WDR70: variants seen among roughly 807,000 people sequenced by gnomAD.
WDR70 encodes WD repeat-containing protein 70.
In WDR70, 53 loss-of-function variants were observed where a neutral mutation model predicts 88.6. The observed-to-expected ratio is 0.60, with a 90% CI of 0.48 to 0.75. The LOEUF is 0.75. Among genes scored for constraint, WDR70 ranks in the 30% least tolerant of loss-of-function variants. The pLI, the probability that WDR70 is intolerant of heterozygous loss-of-function variation, is 0.00. For missense variants in WDR70, 610 were observed against 823.2 expected (o/e 0.74, Z 3.17); for synonymous variants, 280 against 270.0 (o/e 1.04, Z -0.36).
chr5:37,476,852 T>A (rs1351879432), intron 7 of WDR70, among the ~76,000 whole-genome samples: 1 of 152,232 alleles, frequency 6.6e-6, no homozygotes, highest in African/African-American at 2.4e-5. Context: ...CTTCTTTTTT[T>A]AAGAGATTGG....
chr5:37,645,744 G>A (rs923087295), intron 10 of WDR70, among the ~76,000 whole-genome samples: 2 of 152,012 alleles, frequency 1.3e-5, no homozygotes, highest in African/African-American at 4.8e-5. Context: ...GTCTCTTACA[G>A]TTTTTTGTCA....
chr5:37,735,652 C>A (rs1405722494), intron 17 of WDR70, among the ~76,000 whole-genome samples: 1 of 152,154 alleles, frequency 6.6e-6, no homozygotes, highest in Non-Finnish European at 1.5e-5. Context: ...AGTGCTATTT[C>A]TCCTGTGTTC....
intron 5 of WDR70, among the ~76,000 whole-genome samples, chr5:37,402,287 T>C (rs1473695838): frequency 7.9e-6 from 1 of 125,902 alleles, no homozygotes; most frequent in Non-Finnish European, 1.7e-5. Context: ...TTTAGCCAGA[T>C]AGTATTTGTG....
chr5:37,471,604 C>A (rs900949800), intron 7 of WDR70, among the ~76,000 whole-genome samples: 5 of 151,468 alleles, frequency 3.3e-5, no homozygotes, highest in Non-Finnish European at 7.4e-5. Context: ...ATAGAAGTTA[C>A]TAATTTTGAT....
At chr5:37,714,484 T>A (rs1007168094) in intron 13 of WDR70, among the ~76,000 whole-genome samples, 1 of 151,728 alleles carries the variant, frequency 6.6e-6, no homozygotes, top group African/African-American at 2.4e-5. Context: ...AATGATAATA[T>A]GTCATATAAA....
chr5:37,663,986 A>G (rs1331507520), intron 10 of WDR70, among the ~76,000 whole-genome samples: 1 of 152,102 alleles, frequency 6.6e-6, no homozygotes, highest in Non-Finnish European at 1.5e-5. Flanking sequence ...TTTTATTGCC[A>G]GGTTTCTACC....
chr5:37,637,851 C>G (rs909636405), intron 10 of WDR70, among the ~76,000 whole-genome samples: 2 of 152,324 alleles, frequency 1.3e-5, no homozygotes, highest in South Asian at 2.1e-4. Flanking sequence ...TTTGGCCAAT[C>G]AATTCCATGT....
At chr5:37,440,238 G>A (rs1750612484) in intron 6 of WDR70, among the ~76,000 whole-genome samples, 1 of 152,166 alleles carries the variant, frequency 6.6e-6, no homozygotes. Context: ...CCCACTGAAT[G>A]TGATGATAAA....
chr5:37,739,842 T>G (rs186949879), intron 17 of WDR70, among the ~76,000 whole-genome samples: 1 of 152,248 alleles, frequency 6.6e-6, no homozygotes, highest in African/African-American at 2.4e-5. Context: ...CCCCTCCCTG[T>G]GTCCATGTGT....
At chr5:37,446,544 A>G (rs139468860) in intron 7 of WDR70, among the ~76,000 whole-genome samples, 176 of 152,348 alleles carry the variant, frequency 1.2e-3, no homozygotes, top group African/African-American at 4.0e-3. Flanking sequence ...AAACTATACT[A>G]CAAGGCTACA....
intron 10 of WDR70, among the ~76,000 whole-genome samples, chr5:37,682,722 T>C (rs1323383385): frequency 6.6e-6 from 1 of 152,210 alleles, no homozygotes; most frequent in Non-Finnish European, 1.5e-5. Flanking sequence ...TCCATATAAT[T>C]GTATGGCTTT....
chr5:37,571,840 G>T (rs1317775659), intron 9 of WDR70, among the ~76,000 whole-genome samples: 1 of 152,002 alleles, frequency 6.6e-6, no homozygotes, highest in African/African-American at 2.4e-5. Flanking sequence ...TATTTGTTGT[G>T]CCTCTATGTA....
intron 10 of WDR70, among the ~76,000 whole-genome samples, chr5:37,659,290 C>A (rs576619612): frequency 2.0e-5 from 3 of 152,206 alleles, no homozygotes; most frequent in East Asian, 1.9e-4. Context: ...GTTTTAACTT[C>A]TTTGTTATTA....
intron 7 of WDR70, among the ~76,000 whole-genome samples, chr5:37,450,984 C>T (rs1400606704): frequency 1.3e-5 from 2 of 152,126 alleles, no homozygotes; most frequent in Non-Finnish European, 2.9e-5. Context: ...CCGCAACCTC[C>T]ACCTCCTGGG....
intron 13 of WDR70, among the ~76,000 whole-genome samples, chr5:37,705,821 G>T (rs1482834553): frequency 6.6e-6 from 1 of 152,116 alleles, no homozygotes; most frequent in Non-Finnish European, 1.5e-5. Context: ...AATATCAGCA[G>T]TTAGTAGTGT....
At chr5:37,588,907 G>A (rs1743442112) in intron 9 of WDR70, among the ~76,000 whole-genome samples, 1 of 152,044 alleles carries the variant, frequency 6.6e-6, no homozygotes, top group African/African-American at 2.4e-5. Flanking sequence ...TGGGATTACA[G>A]GCGCTGGCCA....
At chr5:37,602,904 C>A (rs2112471963) in intron 9 of WDR70, among the ~76,000 whole-genome samples, 1 of 151,938 alleles carries the variant, frequency 6.6e-6, no homozygotes, top group East Asian at 2.0e-4. Context: ...TTGAATCCAG[C>A]AGGTGGAGGT....
chr5:37,671,388 A>G (rs1336808951), intron 10 of WDR70, among the ~76,000 whole-genome samples: 1 of 152,128 alleles, frequency 6.6e-6, no homozygotes, highest in East Asian at 1.9e-4. Flanking sequence ...ATTAACTGTA[A>G]CTCAGTCTTT....
intron 7 of WDR70, among the ~76,000 whole-genome samples, chr5:37,478,605 A>T (rs1436567073): frequency 6.6e-6 from 1 of 152,244 alleles, no homozygotes; most frequent in Non-Finnish European, 1.5e-5. Context: ...TTGAATTGCC[A>T]TGTAGTTGCC....
Sources: gnomAD v4.1 joint callset for allele counts (sites outside exome capture counted in the v4.1 genomes callset) on GRCh38, gnomAD v4.1.1 for gene constraint, MANE v1.5 for transcripts, NCBI Gene and HGNC (gene_info 2026-07-23, HGNC 2026-07-21) for gene names.